ARHGEF10L: variants seen among roughly 807,000 people sequenced by gnomAD.
ARHGEF10L encodes the protein rho guanine nucleotide exchange factor 10-like protein.
In ARHGEF10L, 69 loss-of-function variants were observed where a neutral mutation model predicts 141.2. The ratio of observed to expected loss-of-function variants is 0.49; its 90% CI spans 0.40 to 0.60. The LOEUF is 0.60. Among genes scored for constraint, ARHGEF10L ranks in the 20% least tolerant of loss-of-function variants. The pLI, the probability that ARHGEF10L is intolerant of heterozygous loss-of-function variation, is 0.00. For synonymous variants in ARHGEF10L, 711 were observed against 718.5 expected (o/e 0.99, Z 0.17); for missense variants, 1,482 against 1,734.3 (o/e 0.85, Z 2.58).
intron 21 of ARHGEF10L, among the ~76,000 whole-genome samples, chr1:17,643,363 C>G (rs2061424716): frequency 1.3e-5 from 2 of 152,150 alleles, no homozygotes; most frequent in Non-Finnish European, 2.9e-5. Context: ...AGCTCTGCCC[C>G]TTGGAAGGGC....
intron 1 of ARHGEF10L, among the ~76,000 whole-genome samples, chr1:17,544,575 G>A (rs915485053): frequency 6.6e-6 from 1 of 152,114 alleles, no homozygotes; most frequent in African/African-American, 2.4e-5. Flanking sequence ...GATTACAGGC[G>A]TGAGCCACCA....
chr1:17,584,292 G>A (rs1270015745), intron 2 of ARHGEF10L, among the ~76,000 whole-genome samples: 2 of 152,072 alleles, frequency 1.3e-5, no homozygotes, highest in African/African-American at 4.8e-5. Flanking sequence ...CCATCCTCCT[G>A]CCCCAGGCTC....
the ARHGEF10L span, among the ~76,000 whole-genome samples, chr1:17,518,295 G>A: frequency 6.6e-6 from 1 of 152,212 alleles, no homozygotes; most frequent in Non-Finnish European, 1.5e-5. Flanking sequence ...TCACACATCT[G>A]TGTGCAGACT....
rs2061490161 is a variant in ARHGEF10L at position 17,644,613 on chromosome 1, T to C, written c.2273-3941T>C. On this transcript the variant is annotated intron_variant, in intron 21 of 28. Transcript: ENST00000361221. The surrounding 1 kb of genome is among the most constrained non-coding windows in gnomAD (Gnocchi z 4.5). Reference sequence around the variant, plus strand: ...GTGGCTGTGGCCAGCAGCATCTCCATGGTGCTGGGGAGGTGTGAGCGGTAT... The same window carrying C: ...GTGGCTGTGGCCAGCAGCATCTCCACGGTGCTGGGGAGGTGTGAGCGGTAT... Among the ~76,000 whole-genome samples the C allele has an allele frequency of 6.6e-6, 1 of 152,170 alleles. No homozygotes were observed. The highest frequency in any genetic ancestry group is 1.5e-5 in the Non-Finnish European group (1 of 68,018).
chr1:17,589,562 G>A (rs1207969316), intron 4 of ARHGEF10L, among the ~76,000 whole-genome samples: 1 of 152,254 alleles, frequency 6.6e-6, no homozygotes, highest in African/African-American at 2.4e-5. Context: ...CAGGCCCCCA[G>A]AGGAGAAGTC....
In ARHGEF10L at chr1:17,644,756, C is replaced by T. The variant is rs963876685; in HGVS notation, c.2273-3798C>T. On this transcript the variant is annotated intron_variant, in intron 21 of 28. Transcript: ENST00000361221. This position sits in a 1 kb window ranked among gnomAD's most constrained non-coding sequence, Gnocchi z 4.5. The stretch of plus-strand genomic sequence containing the variant: ...GGCTGGAGAAGCAGGGCTGGGCCCG[C>T]GGTGGGCTCAGCTGCCCTCAGTAAT... 3.3e-5 allele frequency among the ~76,000 whole-genome samples: 5 copies of T among 152,188 alleles called. No homozygotes were observed. The highest frequency in any genetic ancestry group is 7.2e-5 in the African/African-American group (3 of 41,440).
chr1:17,670,246 G>T (rs2063236785), intron 26 of ARHGEF10L, among the ~76,000 whole-genome samples: 1 of 152,222 alleles, frequency 6.6e-6, no homozygotes, highest in African/African-American at 2.4e-5. Flanking sequence ...GACCTGTTTT[G>T]TGCCACCATC....
At chr1:17,519,115 C>T in the ARHGEF10L span, among the ~76,000 whole-genome samples, 1 of 151,690 alleles carries the variant, frequency 6.6e-6, no homozygotes, top group South Asian at 2.1e-4. Context: ...GCGGAGGTTG[C>T]GGTGAGCCGA....
At chr1:17,676,170 G>T (rs1017977029) in intron 26 of ARHGEF10L, among the ~76,000 whole-genome samples, 1 of 148,494 alleles carries the variant, frequency 6.7e-6, no homozygotes, top group African/African-American at 2.5e-5. Context: ...GCAGGCGTGG[G>T]TGCAGGTGTG....
rs1369827702 is a variant in ARHGEF10L at position 17,539,969 on chromosome 1, G to T, written c.-44+19G>T. ...AGCCGAGGTGGGTGAGTGAGCGCGGGGGCCCTGCCTCCGCGGGATCCTCGC... is the reference window on the plus strand; with the variant it reads ...AGCCGAGGTGGGTGAGTGAGCGCGGTGGCCCTGCCTCCGCGGGATCCTCGC... On this transcript the variant is annotated intron_variant, in intron 1 of 28. Transcript: ENST00000361221. The surrounding 1 kb of genome is among the most constrained non-coding windows in gnomAD (Gnocchi z 6.0). The T allele has an allele frequency of 6.6e-6, 1 of 151,764 alleles. No individual in the cohort carries two copies. The highest frequency in any genetic ancestry group is 2.4e-5 in the African/African-American group (1 of 41,382). 9.4% of individuals were successfully genotyped at this position (151,764 alleles called of 1,614,324 possible).
chr1:17,626,027 A>C lies in ARHGEF10L; in HGVS notation c.1389A>C (p.Pro463=). Residue 463 remains proline (P), a synonymous_variant, in exon 14 of 29, where the codon CCA becomes CCC. Coordinates refer to ENST00000361221, the MANE Select transcript of ARHGEF10L (RefSeq NM_018125.4). ...TGGTCAAGCCCATCCAGAGGTTCCCACAGTTCATACTCCTGCTTCAGGTAC... is the reference window on the plus strand; with the variant it reads ...TGGTCAAGCCCATCCAGAGGTTCCCCCAGTTCATACTCCTGCTTCAGGTAC... The part of the protein sequence containing the change: ...GLMVKPIQRF[P]QFILLLQDML... 1 of 1,613,912 alleles carries C rather than the reference A, an allele frequency of 6.2e-7. No individual in the cohort carries two copies. Among genetic ancestry groups the C allele is most frequent in the Non-Finnish European group, 8.5e-7 (1 of 1,179,864 alleles).
Position 17,607,848 on chromosome 1 carries a change from C to T in ARHGEF10L, c.480C>T (p.Ala160=). 1 of 1,592,524 alleles carries T rather than the reference C, an allele frequency of 6.3e-7. No individual in the cohort carries two copies. The highest frequency in any genetic ancestry group is 8.5e-7 in the Non-Finnish European group (1 of 1,170,514). Residue 160 remains alanine, a synonymous_variant, in exon 7 of 29, where the codon GCC becomes GCT. Coordinates refer to ENST00000361221, the MANE Select transcript of ARHGEF10L (RefSeq NM_018125.4). This position sits in a 1 kb window ranked among gnomAD's most constrained non-coding sequence, Gnocchi z 4.5. ...LLYEDAHRAG[A]PRQAEDLGWS... is the part of the protein sequence containing the mutation. ...ACGAGGATGCGCACCGGGCTGGGGC[C>T]CCTCGGCAGGCGGAGGACCTAGGCT... is the stretch of plus-strand genomic sequence containing the variant.
chr1:17,581,870 G>A (rs1018854569), intron 2 of ARHGEF10L, among the ~76,000 whole-genome samples: 5 of 139,640 alleles, frequency 3.6e-5, no homozygotes, highest in African/African-American at 7.8e-5. Flanking sequence ...CCTGAGCCTC[G>A]GGGTTCTTCT....
intron 21 of ARHGEF10L, 146 bp from the exon 22 acceptor site, chr1:17,648,408 G>A (rs2061719420): frequency 9.8e-7 from 1 of 1,025,612 alleles, no homozygotes; most frequent in Non-Finnish European, 1.4e-6. Context: ...TTTCATCTCA[G>A]TCCGGCAGGA....
chr1:17,610,890 G>A (rs1288918937), intron 7 of ARHGEF10L, among the ~76,000 whole-genome samples: 3 of 152,164 alleles, frequency 2.0e-5, no homozygotes, highest in African/African-American at 4.8e-5. Flanking sequence ...CCAAGTGGAA[G>A]CAGCTGCCTC....
chr1:17,546,932 C>T (rs2076938481), intron 1 of ARHGEF10L, among the ~76,000 whole-genome samples: 1 of 152,184 alleles, frequency 6.6e-6, no homozygotes, highest in Non-Finnish European at 1.5e-5. Context: ...TGGGGTGCAT[C>T]ATTATCTCTG....
intron 26 of ARHGEF10L, among the ~76,000 whole-genome samples, chr1:17,678,549 A>G (rs1264927852): frequency 6.6e-6 from 1 of 151,316 alleles, no homozygotes; most frequent in Non-Finnish European, 1.5e-5. Flanking sequence ...CCTCCCAAGT[A>G]GCTGGGATTA....
At chr1:17,513,657 C>T in the ARHGEF10L span, among the ~76,000 whole-genome samples, 5 of 152,148 alleles carry the variant, frequency 3.3e-5, no homozygotes, top group African/African-American at 9.7e-5. Context: ...AAAATGTTTG[C>T]AGGATGATTC....
chr1:17,519,745 G>A, the ARHGEF10L span, among the ~76,000 whole-genome samples: 1 of 152,086 alleles, frequency 6.6e-6, no homozygotes, highest in Non-Finnish European at 1.5e-5. Flanking sequence ...TGAGGCAGGA[G>A]AATCACTTGA....
Sources: allele counts gnomAD v4.1 joint callset (sites outside exome capture counted in the v4.1 genomes callset), GRCh38; gene constraint gnomAD v4.1.1; non-coding constraint Gnocchi (gnomAD v3.1); transcripts MANE v1.5; gene names NCBI Gene and HGNC (gene_info 2026-07-23, HGNC 2026-07-21).